CLVS1: variants seen among roughly 807,000 people sequenced by gnomAD.
The protein encoded by CLVS1 is clavesin-1.
In CLVS1, 10 loss-of-function variants were observed where a neutral mutation model predicts 33.1. The observed-to-expected ratio is 0.30, with a 90% CI of 0.19 to 0.51. CLVS1 has a LOEUF of 0.51. Among genes scored for constraint, CLVS1 ranks in the 20% least tolerant of loss-of-function variants. The pLI, the probability that CLVS1 is intolerant of heterozygous loss-of-function variation, is 0.97. For synonymous variants in CLVS1, 163 were observed against 166.1 expected, an observed-to-expected ratio of 0.98 and a Z score of 0.14; for missense variants, 343 against 433.4, an observed-to-expected ratio of 0.79 and a Z score of 1.85.
At chr8:61,267,787 G>C (rs534335111) in intron 2 of CLVS1, among the ~76,000 whole-genome samples, 1 of 152,298 alleles carries the variant, frequency 6.6e-6, no homozygotes, top group African/African-American at 2.4e-5. Context: ...TCCGCAGTTA[G>C]CATGATTATG....
chr8:61,149,084 T>C (rs1476219700), intron 2 of CLVS1, among the ~76,000 whole-genome samples: 1 of 152,142 alleles, frequency 6.6e-6, no homozygotes, highest in Non-Finnish European at 1.5e-5. Flanking sequence ...TTGGTTGTTT[T>C]CTTATTAAAA....
chr8:61,166,813 G>A (rs1400026136), intron 2 of CLVS1, among the ~76,000 whole-genome samples: 1 of 150,754 alleles, frequency 6.6e-6, no homozygotes, highest in African/African-American at 2.4e-5. Flanking sequence ...AATAGCTTAA[G>A]AAATTTAAAA....
chr8:61,047,711 A>C, the CLVS1 span, among the ~76,000 whole-genome samples: 1 of 152,172 alleles, frequency 6.6e-6, no homozygotes, highest in Non-Finnish European at 1.5e-5. Context: ...CAAACACCGC[A>C]TGTTCTCACT....
chr8:61,408,399 A>T (rs1815077669), intron 3 of CLVS1, among the ~76,000 whole-genome samples: 2 of 152,220 alleles, frequency 1.3e-5, no homozygotes, highest in Non-Finnish European at 2.9e-5. Flanking sequence ...GATTGAAAAG[A>T]CAGGCAAGTG....
chr8:61,108,822 C>T (rs904927601), intron 1 of CLVS1, among the ~76,000 whole-genome samples: 8 of 152,234 alleles, frequency 5.3e-5, no homozygotes, highest in African/African-American at 1.7e-4. Context: ...CTGAGACAGA[C>T]AGCCCCACTG....
chr8:61,100,129 C>T (rs980338222), intron 1 of CLVS1, among the ~76,000 whole-genome samples: 13 of 152,136 alleles, frequency 8.5e-5, no homozygotes, highest in Non-Finnish European at 1.8e-4. Flanking sequence ...TGACCAAAGG[C>T]TCCTTTCAAG....
intron 2 of CLVS1, among the ~76,000 whole-genome samples, chr8:61,334,143 A>G (rs1262975292): frequency 6.6e-6 from 1 of 152,148 alleles, no homozygotes; most frequent in African/African-American, 2.4e-5. Flanking sequence ...TATAGGGAGG[A>G]ATCAATGAGA....
In CLVS1 at chr8:61,499,811, A is replaced by G. The variant is rs949544456; in HGVS notation, c.*269A>G. 2 of 261,960 alleles carry G rather than the reference A, an allele frequency of 7.6e-6. No individual in the cohort carries two copies. Among genetic ancestry groups the G allele is most frequent in the Non-Finnish European group, 1.5e-5 (2 of 136,654 alleles). 16.2% of individuals were successfully genotyped at this position (261,960 alleles called of 1,614,324 possible). ...TAAAAAAGATTCTCCCTCCTTTCAT[A>G]TTTATTGTAGTAAATTGAAAAAATA... On this transcript the variant is annotated 3_prime_UTR_variant, in exon 6 of 6. Coordinates refer to ENST00000325897, the MANE Select transcript of CLVS1 (RefSeq NM_173519.3).
At chr8:61,292,649 A>G (rs866006207) in intron 1 of CLVS1, among the ~76,000 whole-genome samples, 10 of 152,262 alleles carry the variant, frequency 6.6e-5, no homozygotes, top group South Asian at 2.1e-4. Flanking sequence ...TCAACTGCCA[A>G]TGACTTCTTA....
rs764407581 is a variant in CLVS1 at position 61,299,780 on chromosome 8, A to G, written c.-48A>G. ...TTTGTCTGTTCCGGGGCAGCCTGGT[A>G]GTAAAACACTGTTGAATGGGCCACA... On this transcript the variant is annotated 5_prime_UTR_variant, in exon 2 of 6. Coordinates refer to ENST00000325897, the MANE Select transcript of CLVS1 (RefSeq NM_173519.3). The G allele has an allele frequency of 2.9e-6, 4 of 1,395,802 alleles. No individual in the cohort carries two copies. The highest frequency in any genetic ancestry group is 4.0e-6 in the Non-Finnish European group (4 of 1,005,750). 86.5% of individuals were successfully genotyped at this position (1,395,802 alleles called of 1,614,324 possible). A position where few individuals can be genotyped will look rare whatever the true frequency, so the allele number is the denominator to read the frequency against.
chr8:61,370,947 C>T (rs1162649330), intron 2 of CLVS1, among the ~76,000 whole-genome samples: 1 of 152,014 alleles, frequency 6.6e-6, no homozygotes, highest in African/African-American at 2.4e-5. Flanking sequence ...GCAAATTATC[C>T]CACTATAAAC....
chr8:60,982,965 A>G, the CLVS1 span, among the ~76,000 whole-genome samples: 1 of 152,244 alleles, frequency 6.6e-6, no homozygotes, highest in Admixed American at 6.5e-5. Flanking sequence ...CCCACACCCC[A>G]AACTGAATCA....
chr8:61,183,147 C>T (rs1192907024), intron 2 of CLVS1, among the ~76,000 whole-genome samples: 6 of 86,220 alleles, frequency 7.0e-5, no homozygotes, highest in Non-Finnish European at 1.4e-4. Context: ...GGCCTGTGGG[C>T]AGGGCGGAGG....
chr8:61,258,837 G>A (rs1313715825), intron 2 of CLVS1, among the ~76,000 whole-genome samples: 1 of 152,096 alleles, frequency 6.6e-6, no homozygotes, highest in African/African-American at 2.4e-5. Context: ...TCCTATAAGT[G>A]CATATTCTGC....
upstream of CLVS1, among the ~76,000 whole-genome samples, chr8:61,285,210 G>C (rs571951028): frequency 2.1e-4 from 32 of 152,282 alleles, no homozygotes; most frequent in African/African-American, 7.5e-4. Flanking sequence ...ATATTGTAAA[G>C]AATGCCTTAT....
At chr8:61,376,813 T>C (rs895669714) in intron 3 of CLVS1, 34 bp downstream of exon 3, 3 of 1,541,918 alleles carry the variant, frequency 1.9e-6, no homozygotes, top group African/African-American at 2.7e-5. Flanking sequence ...CAAGACCATG[T>C]GTGGCAACAT....
intron 1 of CLVS1, among the ~76,000 whole-genome samples, chr8:61,058,104 G>A (rs550506320): frequency 6.6e-6 from 1 of 152,312 alleles, no homozygotes; most frequent in Non-Finnish European, 1.5e-5. Flanking sequence ...CCAAAGCGTC[G>A]ACCTAGCTAG....
chr8:60,996,295 A>G, the CLVS1 span, among the ~76,000 whole-genome samples: 1 of 152,198 alleles, frequency 6.6e-6, no homozygotes, highest in Non-Finnish European at 1.5e-5. Context: ...TACTGGTCAC[A>G]TGCCCTGTGT....
intron 2 of CLVS1, among the ~76,000 whole-genome samples, chr8:61,175,716 A>G (rs1027321045): frequency 6.6e-6 from 1 of 152,190 alleles, no homozygotes; most frequent in African/African-American, 2.4e-5. Flanking sequence ...AACCACCAGA[A>G]GCTAGGAGAA....
Sources: allele counts gnomAD v4.1 joint callset (sites outside exome capture counted in the v4.1 genomes callset), GRCh38; gene constraint gnomAD v4.1.1; transcripts MANE v1.5; gene names NCBI Gene and HGNC (gene_info 2026-07-23, HGNC 2026-07-21).